Variants in SLC26A8 observed in about 807,000 individuals in gnomAD.
SLC26A8 encodes solute carrier family 26 member 8.
In SLC26A8, 70 loss-of-function variants were observed where a neutral mutation model predicts 105.0. That is an observed-to-expected ratio of 0.67 (90% confidence interval 0.55 to 0.81). The LOEUF (loss-of-function observed/expected upper bound fraction) is 0.81. Among genes scored for constraint, SLC26A8 ranks in the 40% least tolerant of loss-of-function variants. The pLI, the probability that SLC26A8 is intolerant of heterozygous loss-of-function variation, is 0.00. For missense variants in SLC26A8, 998 were observed against 1,181.8 expected, an observed-to-expected ratio of 0.84 and a Z score of 2.28; for synonymous variants, 415 against 438.3, an observed-to-expected ratio of 0.95 and a Z score of 0.66.
intron 5 of SLC26A8, 55 bp downstream of exon 5, chr6:35,997,683 G>C: frequency 6.4e-7 from 1 of 1,555,898 alleles, no homozygotes; most frequent in African/African-American, 1.4e-5. Flanking sequence ...GAAGGGGTCT[G>C]TTTATAGCCC....
At chr6:35,992,884 A>T (rs1293913864) in intron 5 of SLC26A8, among the ~76,000 whole-genome samples, 1 of 152,182 alleles carries the variant, frequency 6.6e-6, no homozygotes, top group Non-Finnish European at 1.5e-5. Flanking sequence ...GCTAGCTCAC[A>T]CTACTCCTTT....
chr6:35,958,260 G>A (rs1772168278), intron 16 of SLC26A8, among the ~76,000 whole-genome samples: 1 of 152,110 alleles, frequency 6.6e-6, no homozygotes, highest in Admixed American at 6.6e-5. Flanking sequence ...AGCACTTTGG[G>A]AGGCTAAGGC....
intron 7 of SLC26A8, among the ~76,000 whole-genome samples, chr6:35,986,166 C>T (rs1041913696): frequency 6.6e-6 from 1 of 150,876 alleles, no homozygotes; most frequent in Non-Finnish European, 1.5e-5. Context: ...TCCCATGTAG[C>T]TGGGATTACA....
intron 3 of SLC26A8, 74 bp downstream of exon 3, chr6:36,012,158 TA>T (rs1761877319): frequency 6.5e-7 from 1 of 1,539,226 alleles, no homozygotes. Flanking sequence ...GTAGCACAAG[TA>T]ATTGTTTACC....
At chr6:35,954,239 C>A (rs1281585888) in intron 17 of SLC26A8, among the ~76,000 whole-genome samples, 2 of 152,064 alleles carry the variant, frequency 1.3e-5, no homozygotes, top group African/African-American at 4.8e-5. Context: ...AAGTCAGGAC[C>A]CGGGGACACA....
At chr6:36,003,667 C>CTTT (rs5875527) in intron 3 of SLC26A8, among the ~76,000 whole-genome samples, 27 of 144,240 alleles carry the variant, frequency 1.9e-4, no homozygotes, top group Non-Finnish European at 2.7e-4. Context: ...TTCTTTTTTT[C>CTTT]TTTTTTTTTT....
At chr6:36,015,525 G>A (rs1292328794) in intron 2 of SLC26A8, among the ~76,000 whole-genome samples, 9 of 152,190 alleles carry the variant, frequency 5.9e-5, no homozygotes, top group African/African-American at 1.9e-4. Flanking sequence ...CTTATGGGAG[G>A]CAGAATGGGT....
At chr6:36,015,107 T>C (rs1440247183) in intron 2 of SLC26A8, among the ~76,000 whole-genome samples, 2 of 125,558 alleles carry the variant, frequency 1.6e-5, no homozygotes, top group Non-Finnish European at 3.4e-5. Flanking sequence ...AAAATTGTGC[T>C]TTTTTTTTTT....
chr6:35,956,125 C>T (rs369592233), intron 16 of SLC26A8, among the ~76,000 whole-genome samples: 7 of 152,010 alleles, frequency 4.6e-5, no homozygotes, highest in East Asian at 1.9e-4. Context: ...AATAGCTGGG[C>T]GTGTCAGTGA....
Position 35,985,461 on chromosome 6 carries a change from A to G in SLC26A8, c.943-3258T>C, listed in dbSNP as rs546034335. Among the ~76,000 whole-genome samples the G allele has an allele frequency of 2.1e-4, 32 of 151,998 alleles. No individual in the cohort carries two copies. In the East Asian group the frequency reaches 5.8e-3, roughly 28 times the overall value. On this transcript the variant is annotated intron_variant, in intron 7 of 19. Coordinates refer to ENST00000490799, the MANE Select transcript of SLC26A8 (RefSeq NM_052961.4). ...TGTAATCCCAGCACTTTGGGAGGCC[A>G]AGGTGGGCAGATCACGAAGTCAGGA...
rs148547171 is a variant in SLC26A8, at chr6:36,015,972, T to G, written c.188+3548A>C. The stretch of plus-strand genomic sequence containing the variant: ...TGAGTAATTAAGATTACTATAATGA[T>G]GTAGGTCACAAAGGATTCTTTGTTT... On this transcript the variant is annotated intron_variant, in intron 2 of 19. Coordinates refer to ENST00000490799, the MANE Select transcript of SLC26A8 (RefSeq NM_052961.4). Among the ~76,000 whole-genome samples the G allele has an allele frequency of 2.6e-4, 40 of 151,828 alleles. No homozygotes were observed. In the East Asian group the frequency reaches 6.6e-3, roughly 25 times the overall value.
At chr6:36,006,864 T>C (rs1160112351) in intron 3 of SLC26A8, among the ~76,000 whole-genome samples, 2 of 152,200 alleles carry the variant, frequency 1.3e-5, no homozygotes, top group African/African-American at 4.8e-5. Flanking sequence ...TAACCTGCCA[T>C]ATTAATCATC....
chr6:35,975,317 C>A, intron 10 of SLC26A8, 58 bp downstream of exon 10: 3 of 961,440 alleles, frequency 3.1e-6, no homozygotes, highest in Non-Finnish European at 4.8e-6. Flanking sequence ...TCTGAATATA[C>A]ATATGAATTG....
intron 3 of SLC26A8, among the ~76,000 whole-genome samples, chr6:36,002,565 A>G (rs944484805): frequency 2.6e-5 from 4 of 152,098 alleles, no homozygotes; most frequent in Non-Finnish European, 5.9e-5. Context: ...ACTCATTTCA[A>G]TTTCATTTTC....
intron 8 of SLC26A8, among the ~76,000 whole-genome samples, chr6:35,977,623 C>T (rs1021500474): frequency 5.1e-4 from 78 of 152,160 alleles, no homozygotes; most frequent in African/African-American, 1.8e-3. Flanking sequence ...CAAACATTAA[C>T]GATTCACGAA....
At chr6:35,965,646 C>T (rs560314476) in intron 11 of SLC26A8, among the ~76,000 whole-genome samples, 5 of 144,216 alleles carry the variant, frequency 3.5e-5, no homozygotes, top group African/African-American at 1.3e-4. Flanking sequence ...TGCGCCATTG[C>T]ACTCCAGCCT....
chr6:35,975,537 G>A, intron 9 of SLC26A8, 49 bp from the exon 10 acceptor site: 1 of 1,170,826 alleles, frequency 8.5e-7, no homozygotes. Context: ...GTTGAAGAAT[G>A]CTGATTTTGA....
intron 17 of SLC26A8, among the ~76,000 whole-genome samples, chr6:35,953,997 A>G (rs1343828271): frequency 2.6e-5 from 4 of 152,222 alleles, no homozygotes; most frequent in East Asian, 1.9e-4. Flanking sequence ...AGAGGTGTGC[A>G]AATCTCAAAA....
chr6:36,004,788 C>G (rs1761636656), intron 3 of SLC26A8, among the ~76,000 whole-genome samples: 2 of 150,226 alleles, frequency 1.3e-5, no homozygotes, highest in Admixed American at 6.7e-5. Context: ...GTAGCTGGGA[C>G]TACAGGCGCT....
Sources: allele counts gnomAD v4.1 joint callset (sites outside exome capture counted in the v4.1 genomes callset), GRCh38; gene constraint gnomAD v4.1.1; transcripts MANE v1.5; gene names NCBI Gene and HGNC (gene_info 2026-07-23, HGNC 2026-07-21).